Variants in CTNND2 observed in about 807,000 individuals in gnomAD.
The protein encoded by CTNND2 is catenin delta-2.
In CTNND2, 22 loss-of-function variants were observed where a neutral mutation model predicts 144.4. That is an observed-to-expected ratio of 0.15 (90% CI 0.11 to 0.22). CTNND2 has a LOEUF of 0.22. Ranked by LOEUF, CTNND2 falls within the 10% of genes least tolerant of loss-of-function variation. The pLI, the probability that CTNND2 is intolerant of heterozygous loss-of-function variation, is 1.00. For missense variants in CTNND2, 1,353 were observed against 1,618.8 expected (o/e 0.84, Z 2.82); for synonymous variants, 751 against 695.6 (o/e 1.08, Z -1.25).
intron 1 of CTNND2, among the ~76,000 whole-genome samples, chr5:11,782,141 C>T (rs1159213290): frequency 6.6e-6 from 1 of 152,172 alleles, no homozygotes; most frequent in African/African-American, 2.4e-5. Flanking sequence ...TAAGACATGC[C>T]TTTGTTCCTC....
intron 3 of CTNND2, among the ~76,000 whole-genome samples, chr5:11,483,781 A>C (rs559782452): frequency 6.6e-6 from 1 of 152,348 alleles, no homozygotes; most frequent in Non-Finnish European, 1.5e-5. Flanking sequence ...AATGTGCTCA[A>C]CAAAGTTTAA....
chr5:11,499,429 T>C (rs1770325990), intron 3 of CTNND2, among the ~76,000 whole-genome samples: 1 of 152,240 alleles, frequency 6.6e-6, no homozygotes, highest in Non-Finnish European at 1.5e-5. Context: ...AACTTGTTTC[T>C]GGTTTATTTG....
At chr5:11,319,458 C>G (rs954175551) in intron 9 of CTNND2, among the ~76,000 whole-genome samples, 1 of 152,120 alleles carries the variant, frequency 6.6e-6, no homozygotes, top group African/African-American at 2.4e-5. Context: ...AAGTCATTTG[C>G]AAAGTTTTTG....
intron 2 of CTNND2, among the ~76,000 whole-genome samples, chr5:11,588,094 TTCAAAA>T (rs1778992672): frequency 6.6e-6 from 1 of 152,144 alleles, no homozygotes; most frequent in Non-Finnish European, 1.5e-5. Flanking sequence ...ATTTAGAGTG[TTCAAAA>T]CATGTAATTA....
chr5:11,352,620 T>C (rs563571296), intron 8 of CTNND2, among the ~76,000 whole-genome samples: 1 of 152,326 alleles, frequency 6.6e-6, no homozygotes, highest in East Asian at 1.9e-4. Context: ...TTGAATAACA[T>C]TTTTGTGATG....
Position 11,397,077 on chromosome 5 carries a change from G to C in CTNND2, c.566C>G (p.Pro189Arg). The C allele has an allele frequency of 6.2e-7, 1 of 1,613,976 alleles. No individual in the cohort carries two copies. The highest frequency in any genetic ancestry group is 8.5e-7 in the Non-Finnish European group (1 of 1,179,992). The change falls in exon 6 of 22, where the codon CCG (proline) becomes CGG (arginine). Residue 189 changes from proline to arginine, a missense_variant. By Grantham distance (103) the Pro-to-Arg change is moderately radical. Transcript: ENST00000304623. ...AGCTCGGGCTTGTGTGCCTCGGGCC[G>C]GGAGCTGTGAAGGGGTGGTTTCCCC... ...ALGETTPSQL[P>R]ARGTQARATG...
At chr5:11,128,751 TATATATAAA>T (rs1272775133) in intron 12 of CTNND2, among the ~76,000 whole-genome samples, 16 of 41,438 alleles carry the variant, frequency 3.9e-4, no homozygotes, top group Non-Finnish European at 4.7e-4. Context: ...TTATATATAT[TATATATAAA>T]TATATATATT....
At chr5:11,653,935 G>C (rs2434669) in intron 2 of CTNND2, among the ~76,000 whole-genome samples, 10,611 of 151,876 alleles carry the variant, frequency 0.07, 1,225 homozygotes, top group African/African-American at 0.24. Flanking sequence ...TAAGATTAAG[G>C]GTTCAATTTC....
chr5:11,732,719 A>G (rs1313148445), intron 1 of CTNND2, among the ~76,000 whole-genome samples: 2 of 152,060 alleles, frequency 1.3e-5, no homozygotes, highest in African/African-American at 4.8e-5. Context: ...TATCTCCCAT[A>G]ACCCCCGTTA....
chr5:11,182,248 C>G (rs970224324), intron 11 of CTNND2, among the ~76,000 whole-genome samples: 1 of 149,852 alleles, frequency 6.7e-6, no homozygotes, highest in Non-Finnish European at 1.5e-5. Context: ...GTGGTGTGTA[C>G]GTGTGTAGTG....
At chr5:10,994,319 C>T (rs1239709698) in intron 18 of CTNND2, among the ~76,000 whole-genome samples, 1 of 20,270 alleles carries the variant, frequency 4.9e-5, no homozygotes, top group Non-Finnish European at 9.0e-5. Flanking sequence ...AGGAAGGGGG[C>T]GGGGATGGAG....
intron 12 of CTNND2, among the ~76,000 whole-genome samples, chr5:11,143,906 T>A (rs1756984083): frequency 2.6e-5 from 4 of 151,894 alleles, no homozygotes; most frequent in Admixed American, 2.6e-4. Flanking sequence ...AGTCGCCAGG[T>A]CTACACCAGC....
At chr5:11,049,747 G>C (rs1382418565) in intron 16 of CTNND2, among the ~76,000 whole-genome samples, 1 of 152,130 alleles carries the variant, frequency 6.6e-6, no homozygotes, top group Admixed American at 6.5e-5. Flanking sequence ...AAATAACTGG[G>C]TTTCATACCA....
At chr5:11,172,368 C>T (rs1760019834) in intron 11 of CTNND2, among the ~76,000 whole-genome samples, 1 of 152,330 alleles carries the variant, frequency 6.6e-6, no homozygotes, top group Middle Eastern at 3.4e-3. Flanking sequence ...GTGAGATCTT[C>T]ATACTTTAGC....
chr5:11,663,281 T>C (rs988914145), intron 2 of CTNND2, among the ~76,000 whole-genome samples: 2 of 152,206 alleles, frequency 1.3e-5, no homozygotes, highest in Non-Finnish European at 2.9e-5. Flanking sequence ...GATTGATCTA[T>C]ATTAAAAAGA....
At chr5:11,552,102 G>A (rs1775814799) in intron 3 of CTNND2, among the ~76,000 whole-genome samples, 1 of 152,098 alleles carries the variant, frequency 6.6e-6, no homozygotes, top group Non-Finnish European at 1.5e-5. Flanking sequence ...AACCCCAGAA[G>A]GCAAGAGCCA....
chr5:11,902,917 C>CA (rs1177649656), intron 1 of CTNND2: 4 of 152,394 alleles, frequency 2.6e-5, no homozygotes, highest in African/African-American at 9.7e-5. Flanking sequence ...GTGACACACA[C>CA]ACACACACCC....
At chr5:11,879,726 G>T (rs1052483548) in intron 1 of CTNND2, among the ~76,000 whole-genome samples, 7 of 152,204 alleles carry the variant, frequency 4.6e-5, no homozygotes, top group Admixed American at 1.3e-4. Context: ...CTCTCAAAAT[G>T]AAAGTATATA....
At chr5:11,096,213 A>C (rs1380538815) in intron 15 of CTNND2, among the ~76,000 whole-genome samples, 2 of 152,184 alleles carry the variant, frequency 1.3e-5, no homozygotes. Context: ...CACGTGCAGA[A>C]TGTGCAGGTT....
Sources: allele counts gnomAD v4.1 joint callset (sites outside exome capture counted in the v4.1 genomes callset), GRCh38; gene constraint gnomAD v4.1.1; transcripts MANE v1.5; gene names NCBI Gene and HGNC (gene_info 2026-07-23, HGNC 2026-07-21).